Variants in THSD4 observed in about 807,000 individuals in gnomAD.
THSD4 encodes the protein thrombospondin type 1 domain containing 4.
THSD4 carries 69 observed loss-of-function variants against 119.0 expected under a neutral mutation model. The observed-to-expected ratio is 0.58, with a 90% confidence interval of 0.48 to 0.71. The LOEUF is 0.71. Among genes scored for constraint, THSD4 ranks in the 30% least tolerant of loss-of-function variants. The pLI, the probability that THSD4 is intolerant of heterozygous loss-of-function variation, is 0.00. For synonymous variants in THSD4, 524 were observed against 540.4 expected (o/e 0.97, Z 0.42); for missense variants, 1,393 against 1,391.1 (o/e 1.00, Z -0.02).
At chr15:71,551,765 A>G (rs1050096205) in intron 7 of THSD4, among the ~76,000 whole-genome samples, 37 of 152,158 alleles carry the variant, frequency 2.4e-4, no homozygotes, top group African/African-American at 8.4e-4. Context: ...AGAGCCCAGC[A>G]TCTTTACTGG....
At chr15:71,355,528 G>A (rs774482337) in intron 6 of THSD4, among the ~76,000 whole-genome samples, 1 of 152,170 alleles carries the variant, frequency 6.6e-6, no homozygotes, top group African/African-American at 2.4e-5. Context: ...GACAAGTGTG[G>A]ACCTGTAGCC....
chr15:71,635,737 G>A (rs930448379), intron 7 of THSD4, among the ~76,000 whole-genome samples: 2 of 152,164 alleles, frequency 1.3e-5, no homozygotes, highest in African/African-American at 4.8e-5. Flanking sequence ...GTGTGGAGCT[G>A]GAGGTGAGAC....
chr15:71,302,155 C>A (rs2044959416), intron 6 of THSD4, among the ~76,000 whole-genome samples: 2 of 152,230 alleles, frequency 1.3e-5, no homozygotes, highest in Admixed American at 1.3e-4. Flanking sequence ...TTGTGAGTCT[C>A]CTTTCCCTGG....
chr15:71,765,788 CTCTGTGTGTG>C (rs1369591889), intron 16 of THSD4, among the ~76,000 whole-genome samples: 18 of 123,270 alleles, frequency 1.5e-4, no homozygotes, highest in African/African-American at 7.8e-4. Context: ...CGCACACACT[CTCTGTGTGTG>C]TGTGTGTGTG....
At position 71,772,990 on chromosome 15, in the gene THSD4, C is replaced by T. The variant is rs59608759; in HGVS notation, c.2914+1782C>T. On this transcript the variant is annotated intron_variant, in intron 17 of 17. Coordinates refer to ENST00000261862, the MANE Select transcript of THSD4 (RefSeq NM_024817.3). The stretch of plus-strand genomic sequence containing the variant: ...TTGGGAGGCCAAGATGGGAGGATTG[C>T]TTGAGCCCAGCAGTTCAAGACCAGC... 2.4e-3 allele frequency among the ~76,000 whole-genome samples: 372 copies of T among 152,148 alleles called. 4 individuals are homozygous for T. The East Asian group carries it at 0.047, about 19-fold the overall frequency.
At chr15:71,404,902 C>CTT (rs55824597) in intron 6 of THSD4, among the ~76,000 whole-genome samples, 2 of 150,886 alleles carry the variant, frequency 1.3e-5, no homozygotes, top group Non-Finnish European at 3.0e-5. Flanking sequence ...CTTTGCTTTT[C>CTT]TTTTTTGACA....
chr15:71,588,162 C>T (rs949158398), intron 7 of THSD4, among the ~76,000 whole-genome samples: 1 of 151,506 alleles, frequency 6.6e-6, no homozygotes, highest in African/African-American at 2.4e-5. Context: ...AAAAATTAGC[C>T]GGGCGTGGTA....
chr15:71,209,057 T>C (rs1411201745), intron 3 of THSD4, among the ~76,000 whole-genome samples: 7 of 152,130 alleles, frequency 4.6e-5, no homozygotes, highest in Admixed American at 3.3e-4. Flanking sequence ...AATTCTGTTA[T>C]GTTACCCTGA....
intron 8 of THSD4, among the ~76,000 whole-genome samples, chr15:71,728,252 C>T (rs1326668665): frequency 6.6e-6 from 1 of 152,096 alleles, no homozygotes; most frequent in Admixed American, 6.5e-5. Context: ...TCTCTTCCTC[C>T]TCTTTCTCCT....
intron 6 of THSD4, among the ~76,000 whole-genome samples, chr15:71,273,689 C>A (rs1423404620): frequency 6.6e-6 from 1 of 152,068 alleles, no homozygotes; most frequent in African/African-American, 2.4e-5. Flanking sequence ...TACACAGTAT[C>A]ATTTTGAGAC....
intron 7 of THSD4, among the ~76,000 whole-genome samples, chr15:71,561,303 T>G (rs548504306): frequency 7.9e-5 from 12 of 152,270 alleles, no homozygotes; most frequent in African/African-American, 2.9e-4. Flanking sequence ...GAGGATCATG[T>G]CAATATCGTA....
rs534291231 is a variant in THSD4, at chr15:71,378,290, A to G, written c.1016-33397A>G. On this transcript the variant is annotated intron_variant, in intron 6 of 17. Coordinates refer to ENST00000261862, the MANE Select transcript of THSD4 (RefSeq NM_024817.3). ...TCAAAATAAAGATGCTGAGAAAGGG[A>G]TGCCTTCACTATTCTTGTAAAGGCA... 1.8e-4 allele frequency among the ~76,000 whole-genome samples: 28 copies of G among 152,290 alleles called. No homozygotes were observed. In the South Asian group the frequency reaches 5.4e-3, roughly 29 times the overall value.
At chr15:71,365,861 A>T (rs1322054371) in intron 6 of THSD4, among the ~76,000 whole-genome samples, 1 of 152,132 alleles carries the variant, frequency 6.6e-6, no homozygotes. Context: ...GACTCCTAGG[A>T]CCACTGGAAG....
intron 6 of THSD4, among the ~76,000 whole-genome samples, chr15:71,356,275 G>C (rs1159364557): frequency 1.3e-5 from 2 of 151,342 alleles, no homozygotes; most frequent in Non-Finnish European, 2.9e-5. Flanking sequence ...GGTTGCTTCT[G>C]GGGCCCGAAG....
chr15:71,779,034 C>A lies in THSD4; in HGVS notation c.*1660C>A, dbSNP rs2140264419. On this transcript the variant is annotated 3_prime_UTR_variant, in exon 18 of 18. Coordinates refer to ENST00000261862, the MANE Select transcript of THSD4 (RefSeq NM_024817.3). ...TTCCCCCATTTGCTCTTTTAGCTGA[C>A]AAATCTGCCACTGTGATGATGGTTT... The A allele has an allele frequency of 6.6e-6, 1 of 152,352 alleles. No individual in the cohort carries two copies. The highest frequency in any genetic ancestry group is 2.1e-4 in the South Asian group (1 of 4,822). The allele number at this position is 152,352 out of a possible 1,614,324, so 9.4% of individuals were successfully genotyped here.
chr15:71,358,054 G>C (rs2045844485), intron 6 of THSD4, among the ~76,000 whole-genome samples: 1 of 152,176 alleles, frequency 6.6e-6, no homozygotes, highest in Non-Finnish European at 1.5e-5. Context: ...GGGGCGGCCA[G>C]ATCCCATTTT....
chr15:71,601,954 T>C (rs754867115), intron 7 of THSD4, among the ~76,000 whole-genome samples: 1 of 152,212 alleles, frequency 6.6e-6, no homozygotes, highest in African/African-American at 2.4e-5. Context: ...TTTTTTTCTC[T>C]TCAGGGTAGC....
At chr15:71,349,796 G>C (rs118138745) in intron 6 of THSD4, among the ~76,000 whole-genome samples, 2,415 of 152,276 alleles carry the variant, frequency 0.016, 32 homozygotes, top group South Asian at 0.045. Flanking sequence ...TGGGATAGGG[G>C]TCCTTACTCT....
chr15:71,710,336 G>A lies in THSD4; in HGVS notation c.1358-18213G>A, dbSNP rs556151728. On this transcript the variant is annotated intron_variant, in intron 8 of 17. Transcript: ENST00000261862. ...CAGTTTTAAAAACCACCAATTTAAG[G>A]GAAGGGAAATAGGATTTCCACAGAA... Among the ~76,000 whole-genome samples, 11 of 152,246 alleles carry A rather than the reference G, an allele frequency of 7.2e-5. No individual in the cohort carries two copies. In the South Asian group the frequency reaches 1.0e-3, roughly 14 times the overall value.
Sources: allele counts gnomAD v4.1 joint callset (sites outside exome capture counted in the v4.1 genomes callset), GRCh38; gene constraint gnomAD v4.1.1; transcripts MANE v1.5; gene names NCBI Gene and HGNC (gene_info 2026-07-23, HGNC 2026-07-21).